Variants in ANO1 observed in about 807,000 individuals in gnomAD.
The protein encoded by ANO1 is anoctamin 1, also known as anoctamin-1.
In ANO1, 59 loss-of-function variants were observed where a neutral mutation model predicts 124.0. The ratio of observed to expected loss-of-function variants is 0.48; its 90% CI spans 0.39 to 0.59. The LOEUF (loss-of-function observed/expected upper bound fraction) is 0.59. ANO1 is among the 20% of genes least tolerant of loss of function. The pLI is 0.00. For missense variants in ANO1, 1,059 were observed against 1,328.0 expected (o/e 0.80, Z 3.15); for synonymous variants, 529 against 532.0 (o/e 0.99, Z 0.08).
chr11:70,151,305 T>G (rs1189693721), intron 12 of ANO1, among the ~76,000 whole-genome samples: 1 of 152,214 alleles, frequency 6.6e-6, no homozygotes, highest in Non-Finnish European at 1.5e-5. Flanking sequence ...GATCTCATTA[T>G]CCTGTCCACA....
intron 1 of ANO1, among the ~76,000 whole-genome samples, chr11:70,052,082 ACT>A (rs1857357044): frequency 6.6e-6 from 1 of 152,036 alleles, no homozygotes; most frequent in African/African-American, 2.4e-5. Context: ...TCTCCCTATG[ACT>A]CTCCACACCA....
chr11:70,043,426 T>C (rs1487878678), intron 1 of ANO1, among the ~76,000 whole-genome samples: 1 of 152,034 alleles, frequency 6.6e-6, no homozygotes, highest in Non-Finnish European at 1.5e-5. Context: ...GAAGAAAAAG[T>C]GATAAAAAAC....
chr11:70,100,249 G>A (rs1033063896), intron 2 of ANO1, among the ~76,000 whole-genome samples: 4 of 152,322 alleles, frequency 2.6e-5, no homozygotes, highest in African/African-American at 4.8e-5. Flanking sequence ...GAGGCTGAGC[G>A]GTGGCCCCCG....
intron 1 of ANO1, among the ~76,000 whole-genome samples, chr11:70,019,236 A>ACC (rs1491098279): frequency 1.3e-3 from 32 of 23,990 alleles, no homozygotes; most frequent in East Asian, 9.8e-3. Flanking sequence ...GGGAAAGAAG[A>ACC]ACCCCCCCAC....
chr11:70,092,451 G>A (rs530688775), intron 2 of ANO1, among the ~76,000 whole-genome samples: 1 of 152,332 alleles, frequency 6.6e-6, no homozygotes, highest in South Asian at 2.1e-4. Context: ...ATGGGGCAGG[G>A]TCATGGCTGA....
At chr11:70,027,413 T>C (rs1177195073) in intron 1 of ANO1, among the ~76,000 whole-genome samples, 2 of 152,202 alleles carry the variant, frequency 1.3e-5, no homozygotes, top group Non-Finnish European at 2.9e-5. Flanking sequence ...AATGTTTGTG[T>C]GGGTACCCGA....
intron 1 of ANO1, among the ~76,000 whole-genome samples, chr11:70,001,536 ACT>A (rs1307333654): frequency 6.6e-6 from 1 of 152,156 alleles, no homozygotes; most frequent in Non-Finnish European, 1.5e-5. Context: ...AACCACAGTG[ACT>A]CTCACAAATC....
rs545076199 is a variant in ANO1, at chr11:70,031,265, A to G, written c.58+45099A>G. ...AGGCCTCAATGTGATGTTTTCATAT[A>G]TGTATACAACATGGTATCATCAAAT... On this transcript the variant is annotated intron_variant, in intron 1 of 27. Coordinates refer to the ANO1 transcript ENST00000531349. Among the ~76,000 whole-genome samples, 11 of 152,346 alleles carry G rather than the reference A, an allele frequency of 7.2e-5. No individual in the cohort carries two copies. The South Asian group carries it at 1.4e-3, about 20-fold the overall frequency.
At chr11:69,991,952 G>T (rs781802322) in intron 1 of ANO1, among the ~76,000 whole-genome samples, 2 of 152,214 alleles carry the variant, frequency 1.3e-5, no homozygotes, top group African/African-American at 2.4e-5. Context: ...GATGCCATGC[G>T]AGCTCAGCTC....
intron 1 of ANO1, among the ~76,000 whole-genome samples, chr11:69,990,965 T>C (rs1229133587): frequency 6.6e-6 from 1 of 152,228 alleles, no homozygotes; most frequent in Non-Finnish European, 1.5e-5. Flanking sequence ...TTTTTAATTT[T>C]CATGAAGCCC....
chr11:70,044,149 T>G (rs1451412928), intron 1 of ANO1, among the ~76,000 whole-genome samples: 2 of 151,968 alleles, frequency 1.3e-5, no homozygotes, highest in African/African-American at 4.8e-5. Flanking sequence ...ACAACTATGT[T>G]GTAAACTCAA....
intron 1 of ANO1, among the ~76,000 whole-genome samples, chr11:70,062,215 TACAG>T (rs1332525246): frequency 5.9e-5 from 9 of 151,830 alleles, no homozygotes; most frequent in African/African-American, 2.2e-4. Context: ...TAGCTGGAAT[TACAG>T]ACGCGTACCA....
chr11:70,087,925 C>A lies in ANO1; in HGVS notation c.282C>A (p.Ser94Arg), dbSNP rs755648428. 11 of 1,608,150 alleles carry A rather than the reference C, an allele frequency of 6.8e-6. No individual in the cohort carries two copies. The highest frequency in any genetic ancestry group is 1.7e-4 in the Middle Eastern group (1 of 6,052). ...QHSDTPSGAR[S>R]VKQDHPLPGK... ...GCGACACCCCCTCTGGGGCTCGCAGCGTCAAGCAGGACCACCCCCTGCCGG... is the reference window on the plus strand; with the variant it reads ...GCGACACCCCCTCTGGGGCTCGCAGAGTCAAGCAGGACCACCCCCTGCCGG... Residue 94 changes from serine (S) to arginine (R), a missense_variant, in exon 2 of 26, where the codon AGC (serine) becomes AGA (arginine). Ser to Arg is a moderately radical substitution (Grantham distance 110, BLOSUM62 -1). Transcript: ENST00000355303.
chr11:70,156,775 A>C (rs2047832522), intron 15 of ANO1, among the ~76,000 whole-genome samples, 172 bp from the exon 16 acceptor site: 1 of 152,160 alleles, frequency 6.6e-6, no homozygotes, highest in Admixed American at 6.5e-5. Context: ...TTGGAACCCT[A>C]TGCGTTTGCA....
exon 1 of ANO1, chr11:69,985,955 T>C (rs1856031483): frequency 6.6e-6 from 1 of 152,028 alleles, no homozygotes; most frequent in Non-Finnish European, 1.5e-5. Context: ...GCTTCGCTCC[T>C]GCCTCTGGGG....
rs184864053 is a variant in ANO1 at position 70,122,847 on chromosome 11, G to A, written c.898-1503G>A. Among the ~76,000 whole-genome samples, 291 of 152,282 alleles carry A rather than the reference G, an allele frequency of 1.9e-3. 2 individuals carry two copies. The South Asian group carries it at 0.024, about 13-fold the overall frequency. On this transcript the variant is annotated intron_variant, in intron 8 of 25. Coordinates refer to ENST00000355303, the MANE Select transcript of ANO1 (RefSeq NM_018043.7). ...TGTCTATGGCATAAATCAGCAGCTT[G>A]ACTCTAGGTGAGAGGAGGAAGCTGC...
the ANO1 span, among the ~76,000 whole-genome samples, chr11:69,980,769 A>G: frequency 6.6e-6 from 1 of 152,238 alleles, no homozygotes; most frequent in East Asian, 1.9e-4. Context: ...AAAATAAAGT[A>G]TGGGCTGGGC....
At chr11:70,152,399 T>C (rs1565254008) in intron 12 of ANO1, 51 bp from the exon 13 acceptor site, 17 of 1,496,858 alleles carry the variant, frequency 1.1e-5, no homozygotes, top group Non-Finnish European at 1.6e-5. Context: ...AATAACAACC[T>C]AAGTAATGAC....
chr11:70,126,301 G>A (rs2046509027), intron 10 of ANO1, 106 bp downstream of exon 10: 1 of 1,386,636 alleles, frequency 7.2e-7, no homozygotes, highest in African/African-American at 1.4e-5. Context: ...ACCAATTCCT[G>A]TACACATGAA....
Sources: allele counts gnomAD v4.1 joint callset (sites outside exome capture counted in the v4.1 genomes callset), GRCh38; gene constraint gnomAD v4.1.1; transcripts MANE v1.5; gene names NCBI Gene and HGNC (gene_info 2026-07-23, HGNC 2026-07-21).